Variants in SCN4A observed in about 807,000 individuals in gnomAD.
SCN4A encodes the protein sodium channel protein type 4 subunit alpha.
In SCN4A, 83 loss-of-function variants were observed where a neutral mutation model predicts 162.0. That is an observed-to-expected ratio of 0.51 (90% CI 0.43 to 0.61). The LOEUF (loss-of-function observed/expected upper bound fraction) is 0.61. SCN4A is among the 20% of genes least tolerant of loss of function. SCN4A has a pLI of 0.00. For synonymous variants in SCN4A, 944 were observed against 985.1 expected (o/e 0.96, Z 0.78); for missense variants, 2,196 against 2,462.5 (o/e 0.89, Z 2.29).
Position 63,951,396 on chromosome 17 carries a change from G to T in SCN4A, c.2853+28C>A, listed in dbSNP as rs1320341037. The T allele has an allele frequency of 6.8e-7, 1 of 1,478,710 alleles. No homozygotes were observed. The highest frequency in any genetic ancestry group is 9.2e-7 in the Non-Finnish European group (1 of 1,090,372). 91.6% of individuals were successfully genotyped at this position (1,478,710 alleles called of 1,614,324 possible). On this transcript the variant is annotated intron_variant, in intron 14 of 23. Coordinates refer to ENST00000435607, the MANE Select transcript of SCN4A (RefSeq NM_000334.4). The surrounding 1 kb of genome is among the most constrained non-coding windows in gnomAD (Gnocchi z 4.5). ...AGGTCACAGGAGAATTTGAAGCCGG[G>T]TCTGTCTGAGCCCCAGCCCCGGCTC...
intron 13 of SCN4A, among the ~76,000 whole-genome samples, chr17:63,956,803 T>C (rs1909082669): frequency 6.6e-6 from 1 of 152,230 alleles, no homozygotes; most frequent in South Asian, 2.1e-4. Context: ...TCTGACTCAT[T>C]ATCATGTTGC....
chr17:63,954,135 G>A (rs1206560123), intron 13 of SCN4A, among the ~76,000 whole-genome samples: 1 of 152,322 alleles, frequency 6.6e-6, no homozygotes, highest in East Asian at 1.9e-4. Flanking sequence ...TCTCCTCGGC[G>A]GGTCTCACTC....
rs746319581 is a variant in SCN4A at position 63,941,104 on chromosome 17, G to A, written c.5178C>T (p.His1726=). 6 of 1,613,932 alleles carry A rather than the reference G, an allele frequency of 3.7e-6. No homozygotes were observed. In the South Asian group the frequency reaches 4.4e-5, roughly 12 times the overall value. The change falls in exon 24 of 24, where the codon CAC becomes CAT. Residue 1726 remains histidine (H), a synonymous_variant. Coordinates refer to ENST00000435607, the MANE Select transcript of SCN4A (RefSeq NM_000334.4). The surrounding 1 kb of genome is among the most constrained non-coding windows in gnomAD (Gnocchi z 6.2). The part of the protein sequence containing the change: ...EPITTTLKRK[H]EEVCAIKIQR... ...GGATCTTGATGGCGCACACCTCCTC[G>A]TGCTTCCTCTTGAGGGTGGTGGTGA...
Position 63,941,948 on chromosome 17 carries a change from G to T in SCN4A, c.4334C>A (p.Thr1445Lys). ...DLIQKYFVSP[T>K]LFRVIRLARI... is the part of the protein sequence containing the mutation. ...CGCCAGGCGGATCACACGGAACAGC[G>T]TGGGTGACACGAAGTACTTCTGGAT... Residue 1445 changes from threonine (T) to lysine (K), a missense_variant, in exon 24 of 24, where the codon ACG becomes AAG. Coordinates refer to ENST00000435607, the MANE Select transcript of SCN4A (RefSeq NM_000334.4). This position sits in a 1 kb window ranked among gnomAD's most constrained non-coding sequence, Gnocchi z 6.2. The T allele has an allele frequency of 6.2e-7, 1 of 1,600,582 alleles. No individual in the cohort carries two copies. Among genetic ancestry groups the T allele is most frequent in the Non-Finnish European group, 8.5e-7 (1 of 1,170,362 alleles).
At position 63,971,260 on chromosome 17, in the gene SCN4A, AGGGGGTGGAG is replaced by A; in HGVS notation, c.612-17_612-8del. On this transcript the variant is annotated splice_region_variant and splice_polypyrimidine_tract_variant and intron_variant, in intron 4 of 23. Coordinates refer to ENST00000435607, the MANE Select transcript of SCN4A (RefSeq NM_000334.4). ...CACAAACTCTGTCAGGTACCTGGGT[AGGGGGTGGAG>A]GGGGGTGGGGACTGTCAGAGCCTGG... is the stretch of plus-strand genomic sequence containing the variant. 6.3e-6 allele frequency: 4 copies of A among 630,488 alleles called. No homozygotes were observed. Among genetic ancestry groups the A allele is most frequent in the Non-Finnish European group, 9.9e-6 (4 of 404,340 alleles). 39.1% of individuals were successfully genotyped at this position (630,488 alleles called of 1,614,324 possible). A position where few individuals can be genotyped will look rare whatever the true frequency, so the allele number is the denominator to read the frequency against.
Position 63,966,231 on chromosome 17 carries a change from C to T in SCN4A, c.1113G>A (p.Glu371=), listed in dbSNP as rs1909441062. ...GNSSDAGHCP[E]GYECIKTGRN... is the part of the protein sequence containing the mutation. The stretch of plus-strand genomic sequence containing the variant: ...GCCCGGTCTTGATGCACTCATAACC[C>T]TCAGGGCAGTGCCTAGGAATAGGAC... The change falls in exon 8 of 24, where the codon GAG becomes GAA. Residue 371 remains glutamate, a synonymous_variant. Coordinates refer to ENST00000435607, the MANE Select transcript of SCN4A (RefSeq NM_000334.4). 7 of 1,604,644 alleles carry T rather than the reference C, an allele frequency of 4.4e-6. No individual in the cohort carries two copies. Among genetic ancestry groups the T allele is most frequent in the Non-Finnish European group, 6.0e-6 (7 of 1,175,846 alleles).
intron 18 of SCN4A, among the ~76,000 whole-genome samples, chr17:63,946,178 G>T (rs1908709823): frequency 6.6e-6 from 1 of 152,184 alleles, no homozygotes; most frequent in Admixed American, 6.5e-5. Context: ...GCCATTTCAT[G>T]ACCTCTAGAG....
intron 5 of SCN4A, among the ~76,000 whole-genome samples, chr17:63,969,845 G>A (rs138108987): frequency 1.3e-5 from 2 of 152,084 alleles, no homozygotes; most frequent in East Asian, 3.9e-4. Flanking sequence ...GTTTCACCAC[G>A]TTGGCCAGGC....
chr17:63,967,993 C>T, intron 6 of SCN4A, 30 bp downstream of exon 6: 3 of 1,583,546 alleles, frequency 1.9e-6, no homozygotes, highest in East Asian at 2.2e-5. Context: ...GGACAGGATC[C>T]CCCTTGCCCG....
Position 63,949,502 on chromosome 17 carries a change from C to T in SCN4A, c.2880G>A (p.Gly960=). 1 of 1,611,810 alleles carries T rather than the reference C, an allele frequency of 6.2e-7. No individual in the cohort carries two copies. Among genetic ancestry groups the T allele is most frequent in the Non-Finnish European group, 8.5e-7 (1 of 1,178,502 alleles). Residue 960 remains glycine, a synonymous_variant, in exon 15 of 24, where the codon GGG becomes GGA. Transcript: ENST00000435607. The stretch of plus-strand genomic sequence containing the variant: ...CAGCTGTGCTGCAGACGGACGAGTT[C>T]CCATCATAGAGAGGCTGCGGCGGCT... ...SKKPPQPLYD[G]NSSVCSTADY...
Position 63,945,784 on chromosome 17 carries a change from G to T in SCN4A, c.3442-146C>A. ...GAGGAGGGCCGACCTGCTGGGCTGT[G>T]TGTGTGCAGGTTGGGGGTGGTAAGG... On this transcript the variant is annotated intron_variant, in intron 18 of 23. Transcript: ENST00000435607. The surrounding 1 kb of genome is among the most constrained non-coding windows in gnomAD (Gnocchi z 4.4). The T allele has an allele frequency of 1.5e-6, 1 of 688,664 alleles. No homozygotes were observed. Among genetic ancestry groups the T allele is most frequent in the Non-Finnish European group, 2.5e-6 (1 of 403,136 alleles). 42.7% of individuals were successfully genotyped at this position (688,664 alleles called of 1,614,324 possible).
At position 63,966,478 on chromosome 17, in the gene SCN4A, C is replaced by T. The variant is rs1288881000; in HGVS notation, c.1100+3G>A. On this transcript the variant is annotated splice_donor_region_variant and intron_variant, in intron 7 of 23. Coordinates refer to ENST00000435607, the MANE Select transcript of SCN4A (RefSeq NM_000334.4). ...CTTTTCTGCATCCCTTAGCATCACT[C>T]ACCCAGCATCACTGCTGTTCCCACA... 1.2e-6 allele frequency: 2 copies of T among 1,613,568 alleles called. No individual in the cohort carries two copies. The highest frequency in any genetic ancestry group is 1.7e-5 in the Admixed American group (1 of 60,022).
At position 63,941,111 on chromosome 17, in the gene SCN4A, C is replaced by T. The variant is rs539487509; in HGVS notation, c.5171G>A (p.Arg1724Lys). The part of the protein sequence containing the change: ...SYEPITTTLK[R>K]KHEEVCAIKI... ...GATGGCGCACACCTCCTCGTGCTTC[C>T]TCTTGAGGGTGGTGGTGATGGGCTC... Residue 1724 changes from arginine (R) to lysine (K), a missense_variant, in exon 24 of 24, where the codon AGG becomes AAG. By Grantham distance (26) the Arg-to-Lys change is conservative. Transcript: ENST00000435607. This position sits in a 1 kb window ranked among gnomAD's most constrained non-coding sequence, Gnocchi z 6.2. 85 of 1,613,940 alleles carry T rather than the reference C, an allele frequency of 5.3e-5. 2 individuals carry two copies. In the South Asian group the frequency reaches 9.1e-4, roughly 17 times the overall value.
chr17:63,949,274 A>T, intron 15 of SCN4A, 119 bp downstream of exon 15: 1 of 1,070,584 alleles, frequency 9.3e-7, no homozygotes, highest in Non-Finnish European at 1.3e-6. Context: ...TAGACACGTG[A>T]GGCACGGGGA....
chr17:63,951,296 A>G lies in SCN4A; in HGVS notation c.2853+128T>C. On this transcript the variant is annotated intron_variant, in intron 14 of 23. Transcript: ENST00000435607. This position sits in a 1 kb window ranked among gnomAD's most constrained non-coding sequence, Gnocchi z 4.5. ...ATACAGCGTCTCACATAATGCTTGC[A>G]ACAATGCCATAGGGCACCACCCCCA... 1.5e-6 allele frequency: 1 copy of G among 662,752 alleles called. No individual in the cohort carries two copies. Among genetic ancestry groups the G allele is most frequent in the Non-Finnish European group, 2.6e-6 (1 of 388,092 alleles). The allele number at this position is 662,752 out of a possible 1,614,324, so 41.1% of individuals were successfully genotyped here.
Position 63,940,742 on chromosome 17 carries a change from G to A in SCN4A, c.*29C>T, listed in dbSNP as rs769808491. 2 of 1,531,590 alleles carry A rather than the reference G, an allele frequency of 1.3e-6. No homozygotes were observed. The highest frequency in any genetic ancestry group is 1.8e-6 in the Non-Finnish European group (2 of 1,138,980). The allele number at this position is 1,531,590 out of a possible 1,614,324, so 94.9% of individuals were successfully genotyped here. ...GGGGGAGCTCTGGGGACTATGCCGAGACTCAGTGGGCCACCCCGATGCTGC... is the reference window on the plus strand; with the variant it reads ...GGGGGAGCTCTGGGGACTATGCCGAAACTCAGTGGGCCACCCCGATGCTGC... On this transcript the variant is annotated 3_prime_UTR_variant, in exon 24 of 24. Transcript: ENST00000435607.
At position 63,972,465 on chromosome 17, in the gene SCN4A, G is replaced by A. The variant is rs374574341; in HGVS notation, c.279C>T (p.Phe93=). Residue 93 remains phenylalanine, a synonymous_variant, in exon 2 of 24, where the codon TTC becomes TTT. Coordinates refer to ENST00000435607, the MANE Select transcript of SCN4A (RefSeq NM_000334.4). The surrounding 1 kb of genome is among the most constrained non-coding windows in gnomAD (Gnocchi z 4.3). ...TGGCCTTGCCCTTGTTGAGTACGAT[G>A]AAGGTCTAAGGTGGGAGAGAGGCTG... ...LDPYYSNKKT[F]IVLNKGKAIF... 6.2e-7 allele frequency: 1 copy of A among 1,613,596 alleles called. No homozygotes were observed.
intron 18 of SCN4A, among the ~76,000 whole-genome samples, chr17:63,946,474 A>T (rs3785566): frequency 5.2e-5 from 4 of 77,024 alleles, no homozygotes; most frequent in Admixed American, 2.6e-4. Flanking sequence ...CCCCCCCCCC[A>T]CCCCGCCGCA....
intron 13 of SCN4A, among the ~76,000 whole-genome samples, chr17:63,954,115 C>T (rs1908999996): frequency 6.6e-6 from 1 of 152,226 alleles, no homozygotes; most frequent in Non-Finnish European, 1.5e-5. Flanking sequence ...AGATCCGCCA[C>T]CCTTGGCCGT....
Sources: allele counts gnomAD v4.1 joint callset (sites outside exome capture counted in the v4.1 genomes callset), GRCh38; gene constraint gnomAD v4.1.1; non-coding constraint Gnocchi (gnomAD v3.1); transcripts MANE v1.5; gene names NCBI Gene and HGNC (gene_info 2026-07-23, HGNC 2026-07-21).